ACVRL1: variants seen among roughly 807,000 people sequenced by gnomAD.
The protein encoded by ACVRL1 is activin receptor type-1-like.
ACVRL1 carries 20 observed loss-of-function variants against 51.9 expected under a neutral mutation model. The ratio of observed to expected loss-of-function variants is 0.39; its 90% CI spans 0.27 to 0.56. ACVRL1 has a LOEUF of 0.56. ACVRL1 is among the 20% of genes least tolerant of loss of function. ACVRL1 has a pLI of 0.67. For synonymous variants in ACVRL1, 288 were observed against 280.9 expected, an observed-to-expected ratio of 1.03 and a Z score of -0.25; for missense variants, 451 against 670.3, an observed-to-expected ratio of 0.67 and a Z score of 3.61.
Position 51,913,293 on chromosome 12 carries a change from A to C in ACVRL1, c.256A>C (p.Asn86His). 6.2e-7 allele frequency: 1 copy of C among 1,610,014 alleles called. No individual in the cohort carries two copies. Residue 86 changes from asparagine to histidine, a missense_variant, in exon 3 of 10, where the codon AAC (asparagine) becomes CAC (histidine). By Grantham distance (68) the Asn-to-His change is moderately conservative. Around this residue, in one of 2 missense-constraint regions of ACVRL1, gnomAD observed 192 missense variants for 216.9 expected, o/e 0.89. Transcript: ENST00000388922. ...CAGGGGGCGCCCCACCGAGTTCGTC[A>C]ACCACTACTGCTGCGACAGCCACCT... Reference protein sequence around the residue: ...LCRGRPTEFVNHYCCDSHLCN... With the variant: ...LCRGRPTEFVHHYCCDSHLCN...
intron 9 of ACVRL1, 130 bp from the exon 10 acceptor site, chr12:51,920,629 C>T (rs557947290): frequency 1.7e-5 from 17 of 1,016,738 alleles, no homozygotes; most frequent in South Asian, 6.9e-5. Flanking sequence ...TCCCCATTAC[C>T]GGCCATCCTC....
intron 1 of ACVRL1, among the ~76,000 whole-genome samples, chr12:51,908,659 T>G (rs7956340): frequency 0.099 from 15,141 of 152,270 alleles, 893 homozygotes; most frequent in Admixed American, 0.17. Context: ...GTTGGGGTCT[T>G]GATAACATTT....
In ACVRL1 at chr12:51,914,148, T is replaced by C; in HGVS notation, c.625+75T>C. The C allele has an allele frequency of 2.0e-6, 3 of 1,505,940 alleles. No homozygotes were observed. In the South Asian group the frequency reaches 3.6e-5, roughly 18 times the overall value. The allele number at this position is 1,505,940 out of a possible 1,614,324, so 93.3% of individuals were successfully genotyped here. ...CTGGAGGGGTGAGGGAGTTTTTGGC[T>C]ACTGGAATCACAGGCGGTGCCAGGC... is the stretch of plus-strand genomic sequence containing the variant. On this transcript the variant is annotated intron_variant, in intron 5 of 9. Transcript: ENST00000388922.
chr12:51,907,260 T>G (rs1940612115), upstream of ACVRL1, among the ~76,000 whole-genome samples: 4 of 149,756 alleles, frequency 2.7e-5, no homozygotes, highest in African/African-American at 4.9e-5. The surrounding 1 kb of genome is among the most constrained non-coding windows in gnomAD (Gnocchi z 4.5). Flanking sequence ...GGGAGGCGGA[T>G]GTGGGAGGCC....
At chr12:51,908,228 A>T (rs1940632204) in intron 1 of ACVRL1, among the ~76,000 whole-genome samples, 1 of 152,064 alleles carries the variant, frequency 6.6e-6, no homozygotes, top group Non-Finnish European at 1.5e-5. Flanking sequence ...TTCCTTCAGG[A>T]TCCAGGCCAA....
chr12:51,912,536 G>A lies in ACVRL1; in HGVS notation c.61+1G>A, dbSNP rs763785885. The A allele has an allele frequency of 2.5e-6, 4 of 1,611,092 alleles. No individual in the cohort carries two copies. Among genetic ancestry groups the A allele is most frequent in the Non-Finnish European group, 3.4e-6 (4 of 1,177,226 alleles). ...CTGCTGATGGCCTTGGTGACCCAGGGTGAGTACTGGGGGAGCAGTTAGGAA... is the reference window on the plus strand; with the variant it reads ...CTGCTGATGGCCTTGGTGACCCAGGATGAGTACTGGGGGAGCAGTTAGGAA... On this transcript the variant is annotated splice_donor_variant, in intron 2 of 9. Transcript: ENST00000388922. LOFTEE classifies it high-confidence loss of function.
Position 51,916,240 on chromosome 12 carries a change from G to A in ACVRL1, c.1246+7G>A. The A allele has an allele frequency of 6.2e-7, 1 of 1,613,480 alleles. No homozygotes were observed. Among genetic ancestry groups the A allele is most frequent in the Non-Finnish European group, 8.5e-7 (1 of 1,179,816 alleles). ...CGCCGGACCATCGTGAATGGTGAGG[G>A]CCCACCCTACACAGGGTAGGGAAAG... On this transcript the variant is annotated splice_region_variant and intron_variant, in intron 8 of 9. Coordinates refer to ENST00000388922, the MANE Select transcript of ACVRL1 (RefSeq NM_000020.3).
At chr12:51,910,747 G>C (rs1795895628) in intron 1 of ACVRL1, among the ~76,000 whole-genome samples, 1 of 152,212 alleles carries the variant, frequency 6.6e-6, no homozygotes, top group Non-Finnish European at 1.5e-5. Context: ...CCCACCGTCA[G>C]TCCTGCCGCA....
intron 1 of ACVRL1, among the ~76,000 whole-genome samples, chr12:51,908,763 A>G (rs1940639815): frequency 6.6e-6 from 1 of 152,158 alleles, no homozygotes; most frequent in Non-Finnish European, 1.5e-5. Context: ...TTTACATATG[A>G]TGGGAAGCCT....
rs143146914 is a variant in ACVRL1 at position 51,911,691 on chromosome 12, C to T, written c.-5-779C>T. Reference sequence around the variant, plus strand: ...TGGTGCCAGTGAGTCCTGTCTGACCCGGGACAAGTCTTCTTCCCTGTATGA... The same window carrying T: ...TGGTGCCAGTGAGTCCTGTCTGACCTGGGACAAGTCTTCTTCCCTGTATGA... On this transcript the variant is annotated intron_variant, in intron 1 of 9. Transcript: ENST00000388922. Among the ~76,000 whole-genome samples the T allele has an allele frequency of 7.8e-3, 1,182 of 152,246 alleles. 20 individuals carry two copies. Among genetic ancestry groups the T allele is most frequent in the African/African-American group, 0.027 (1,115 of 41,534 alleles).
Position 51,915,217 on chromosome 12 carries a change from GC to G in ACVRL1, c.773-7del, listed in dbSNP as rs1282724548. 6.2e-7 allele frequency: 1 copy of G among 1,613,664 alleles called. No individual in the cohort carries two copies. The highest frequency in any genetic ancestry group is 1.1e-5 in the South Asian group (1 of 91,066). On this transcript the variant is annotated splice_polypyrimidine_tract_variant and splice_region_variant and intron_variant, in intron 6 of 9. Coordinates refer to ENST00000388922, the MANE Select transcript of ACVRL1 (RefSeq NM_000020.3). ...CTTGGCTGAGTCACCCAACCTTTCT[GC>G]ACACAGGCTTCATCGCCTCAGACAT...
upstream of ACVRL1, chr12:51,907,485 T>C (rs557224652): frequency 5.9e-5 from 9 of 152,184 alleles, no homozygotes; most frequent in East Asian, 1.7e-3. This position sits in a 1 kb window ranked among gnomAD's most constrained non-coding sequence, Gnocchi z 4.5. Context: ...ATAAGAAACA[T>C]TTTTGCTCCA....
chr12:51,911,089 TC>T (rs1231122193), intron 1 of ACVRL1, among the ~76,000 whole-genome samples: 3 of 152,244 alleles, frequency 2.0e-5, no homozygotes, highest in Non-Finnish European at 4.4e-5. Flanking sequence ...AAGGACAGTC[TC>T]CCTGCCTTGT....
In ACVRL1 at chr12:51,922,498, T is replaced by G. The variant is rs913586602; in HGVS notation, c.*1605T>G. On this transcript the variant is annotated 3_prime_UTR_variant, in exon 10 of 10. Coordinates refer to ENST00000388922, the MANE Select transcript of ACVRL1 (RefSeq NM_000020.3). ...CACACCCCTGGCCAGGCCCAGAGAG[T>G]GTGTCTCAGGAGAATTCAATGGCTC... The G allele has an allele frequency of 6.6e-6, 1 of 152,060 alleles. No homozygotes were observed. Among genetic ancestry groups the G allele is most frequent in the Non-Finnish European group, 1.5e-5 (1 of 68,000 alleles). The allele number at this position is 152,060 out of a possible 1,614,324, so 9.4% of individuals were successfully genotyped here.
intron 8 of ACVRL1, among the ~76,000 whole-genome samples, chr12:51,916,625 T>G (rs2139078102): frequency 6.6e-6 from 1 of 152,378 alleles, no homozygotes; most frequent in South Asian, 2.1e-4. Context: ...CTGGGTTCTA[T>G]TCCTGATCTT....
At position 51,921,121 on chromosome 12, in the gene ACVRL1, C is replaced by T; in HGVS notation, c.*228C>T. 1 of 577,136 alleles carries T rather than the reference C, an allele frequency of 1.7e-6. No homozygotes were observed. Among genetic ancestry groups the T allele is most frequent in the Non-Finnish European group, 3.1e-6 (1 of 322,266 alleles). 35.8% of individuals were successfully genotyped at this position (577,136 alleles called of 1,614,324 possible). A position where few individuals can be genotyped will look rare whatever the true frequency, so the allele number is the denominator to read the frequency against. On this transcript the variant is annotated 3_prime_UTR_variant, in exon 10 of 10. Transcript: ENST00000388922. ...GCGGCAGGCTCCCTGACGCCTGGCT[C>T]TCTCCCCACCCCTATGGCCAGCATG...
At chr12:51,913,462 T>TGGGGGGG in intron 3 of ACVRL1, 97 bp from the exon 4 acceptor site, 1 of 828,014 alleles carries the variant, frequency 1.2e-6, no homozygotes, top group South Asian at 1.4e-5. Flanking sequence ...GGGGAGCGGG[T>TGGGGGGG]GGGCAGGACT....
In ACVRL1 at chr12:51,914,677, C is replaced by T. The variant is rs1190753805; in HGVS notation, c.772+92C>T. The T allele has an allele frequency of 1.0e-5, 14 of 1,378,012 alleles. No homozygotes were observed. In the Admixed American group the frequency reaches 2.8e-4, roughly 27 times the overall value. The allele number at this position is 1,378,012 out of a possible 1,614,324, so 85.4% of individuals were successfully genotyped here. ...CAGACCTCCAGACATTAACAGAACC[C>T]TGAAGGACTCTCAGCCCACCTGCAG... is the stretch of plus-strand genomic sequence containing the variant. On this transcript the variant is annotated intron_variant, in intron 6 of 9. Transcript: ENST00000388922.
Position 51,912,529 on chromosome 12 carries a change from AC to A in ACVRL1, c.58del (p.Gln20ArgfsTer5). 1 of 1,613,132 alleles carries A rather than the reference AC, an allele frequency of 6.2e-7. No individual in the cohort carries two copies. Among genetic ancestry groups the A allele is most frequent in the Non-Finnish European group, 8.5e-7 (1 of 1,179,126 alleles). The part of the protein sequence containing the change: ...GLLMLLMALV[T>X]QGDPVKPSRG... ...TCTGATGCTGCTGATGGCCTTGGTG[AC>A]CCAGGGTGAGTACTGGGGGAGCAGT... On this transcript the variant is annotated frameshift_variant, in exon 2 of 10. Coordinates refer to ENST00000388922, the MANE Select transcript of ACVRL1 (RefSeq NM_000020.3). LOFTEE classifies it high-confidence loss of function.
Sources: allele counts gnomAD v4.1 joint callset (sites outside exome capture counted in the v4.1 genomes callset), GRCh38; gene constraint gnomAD v4.1.1; regional missense constraint gnomAD v4.1.1; non-coding constraint Gnocchi (gnomAD v3.1); transcripts MANE v1.5; gene names NCBI Gene and HGNC (gene_info 2026-07-23, HGNC 2026-07-21).